Variants in LY75 observed in about 807,000 individuals in gnomAD.
LY75 encodes lymphocyte antigen 75, also known as C-type lectin domain family 13 member B.
In LY75, 185 loss-of-function variants were observed where a neutral mutation model predicts 231.7. The ratio of observed to expected loss-of-function variants is 0.80; its 90% CI spans 0.71 to 0.90. LY75 has a LOEUF of 0.90. LY75 is among the 40% of genes least tolerant of loss of function. The pLI, the probability that LY75 is intolerant of heterozygous loss-of-function variation, is 0.00. For synonymous variants in LY75, 668 were observed against 689.0 expected (o/e 0.97, Z 0.48); for missense variants, 1,947 against 2,050.2 (o/e 0.95, Z 0.97).
chr2:159,816,894 C>T lies in LY75; in HGVS notation c.4292G>A (p.Ser1431Asn), dbSNP rs1390577481. The T allele has an allele frequency of 6.2e-6, 10 of 1,614,154 alleles. No individual in the cohort carries two copies. In the East Asian group the frequency reaches 2.0e-4, roughly 32 times the overall value. ...MCSQSGGHLA[S>N]VHNQNGQLFL... ...GAGCTGGCCATTTTGGTTGTGAACG[C>T]TTGCCAAGTGACCTCCACTTTGAGA... The change falls in exon 30 of 35, where the codon AGC becomes AAC. Residue 1431 changes from serine (S) to asparagine (N), a missense_variant. Physicochemically the swap from Ser to Asn is conservative, Grantham distance 46. Transcript: ENST00000263636.
rs1685718261 is a variant in LY75 at position 159,890,495 on chromosome 2, A to G, written c.638-118T>C. On this transcript the variant is annotated intron_variant, in intron 3 of 34. Transcript: ENST00000263636. ...ACTCTTAGGATATGCCCAAAGGGAG[A>G]CTGCCATCACTCATTTAGACCATAT... 12 of 1,350,826 alleles carry G rather than the reference A, an allele frequency of 8.9e-6. 2 individuals carry two copies. The South Asian group carries it at 1.6e-4, about 18-fold the overall frequency. The allele number at this position is 1,350,826 out of a possible 1,614,324, so 83.7% of individuals were successfully genotyped here. A position where few individuals can be genotyped will look rare whatever the true frequency, so the allele number is the denominator to read the frequency against.
At chr2:159,877,671 A>G (rs1411131232) in intron 11 of LY75, among the ~76,000 whole-genome samples, 1 of 152,110 alleles carries the variant, frequency 6.6e-6, no homozygotes, top group African/African-American at 2.4e-5. Context: ...GGAGATCGAG[A>G]CCAGCCTGGC....
chr2:159,851,753 T>C (rs1425699234), intron 21 of LY75, among the ~76,000 whole-genome samples: 2 of 152,230 alleles, frequency 1.3e-5, no homozygotes, highest in Non-Finnish European at 2.9e-5. Context: ...AGATCAATGA[T>C]TAACATTTTG....
At chr2:159,864,987 C>G (rs1684819916) in intron 13 of LY75, 67 bp from the exon 14 acceptor site, 1 of 1,397,796 alleles carries the variant, frequency 7.2e-7, no homozygotes, top group Non-Finnish European at 9.7e-7. Flanking sequence ...ACTCACATGT[C>G]TAATGTGCAT....
intron 12 of LY75, among the ~76,000 whole-genome samples, chr2:159,875,169 G>A (rs1560094653): frequency 6.6e-6 from 1 of 151,572 alleles, no homozygotes; most frequent in Non-Finnish European, 1.5e-5. Flanking sequence ...GTGGCAGTAT[G>A]GCATATAGTA....
At chr2:159,815,714 T>G in intron 30 of LY75, 141 bp from the exon 31 acceptor site, 3 of 1,020,144 alleles carry the variant, frequency 2.9e-6, no homozygotes, top group Non-Finnish European at 4.1e-6. Context: ...GAACCTACTA[T>G]TATTGTAGGT....
chr2:159,856,222 T>C (rs1684546001), intron 16 of LY75, among the ~76,000 whole-genome samples: 1 of 152,216 alleles, frequency 6.6e-6, no homozygotes, highest in South Asian at 2.1e-4. Flanking sequence ...TATGTCTGGG[T>C]AATGGCATCA....
At chr2:159,897,173 A>C (rs896900763) in intron 2 of LY75, among the ~76,000 whole-genome samples, 7 of 152,180 alleles carry the variant, frequency 4.6e-5, no homozygotes, top group African/African-American at 1.7e-4. Context: ...GGACTGAGGG[A>C]GTTTAAGATT....
chr2:159,845,861 TA>T (rs1684186236), intron 23 of LY75, among the ~76,000 whole-genome samples: 1 of 141,750 alleles, frequency 7.1e-6, no homozygotes. Flanking sequence ...ATAAATATTA[TA>T]AAATACAGTA....
rs1470574247 is a variant in LY75 at position 159,848,192 on chromosome 2, A to G, written c.3150+1788T>C. Among the ~76,000 whole-genome samples, 4 of 150,840 alleles carry G rather than the reference A, an allele frequency of 2.7e-5. No individual in the cohort carries two copies. The East Asian group carries it at 7.8e-4, about 29-fold the overall frequency. On this transcript the variant is annotated intron_variant, in intron 23 of 34. Coordinates refer to ENST00000263636, the MANE Select transcript of LY75 (RefSeq NM_002349.4). ...TATATGTATATATATGTATGTATGTATATATATATGATGGAGGAATACTAC... is the reference window on the plus strand; with the variant it reads ...TATATGTATATATATGTATGTATGTGTATATATATGATGGAGGAATACTAC...
At chr2:159,883,621 CAT>C (rs1168903263) in intron 6 of LY75, among the ~76,000 whole-genome samples, 2 of 152,148 alleles carry the variant, frequency 1.3e-5, no homozygotes, top group African/African-American at 4.8e-5. Flanking sequence ...ATTATTCAAT[CAT>C]GTGGAAACAT....
At position 159,878,464 on chromosome 2, in the gene LY75, A is replaced by G. The variant is rs199726317; in HGVS notation, c.1634T>C (p.Met545Thr). Residue 545 changes from methionine (M) to threonine (T), a missense_variant, in exon 11 of 35, where the codon ATG (methionine) becomes ACG (threonine). Transcript: ENST00000263636. ...TCTTAGAGATTTATCATACTTTTTCATCAAATCATTTAGGTATTCTTGCTC... is the reference window on the plus strand; with the variant it reads ...TCTTAGAGATTTATCATACTTTTTCGTCAAATCATTTAGGTATTCTTGCTC... ...RFEQEYLNDLMKKYDKSLRKY... is the reference protein window; with the variant it reads ...RFEQEYLNDLTKKYDKSLRKY... 6.2e-7 allele frequency: 1 copy of G among 1,614,016 alleles called. No homozygotes were observed. The highest frequency in any genetic ancestry group is 8.5e-7 in the Non-Finnish European group (1 of 1,179,976).
intron 16 of LY75, among the ~76,000 whole-genome samples, chr2:159,855,397 A>G (rs1182760019): frequency 6.6e-6 from 1 of 152,210 alleles, no homozygotes; most frequent in African/African-American, 2.4e-5. Flanking sequence ...AGGTTGATAG[A>G]GTTCATTGTC....
intron 2 of LY75, among the ~76,000 whole-genome samples, chr2:159,898,082 A>T (rs1685952318): frequency 6.6e-6 from 1 of 152,072 alleles, no homozygotes; most frequent in African/African-American, 2.4e-5. Flanking sequence ...GGCAAGAAAA[A>T]ATATATTTTT....
chr2:159,842,718 T>C (rs1032963030), intron 23 of LY75, among the ~76,000 whole-genome samples: 2 of 152,156 alleles, frequency 1.3e-5, no homozygotes, highest in Non-Finnish European at 1.5e-5. Flanking sequence ...TATAGACTTT[T>C]TGTAACAAGT....
intron 27 of LY75, among the ~76,000 whole-genome samples, chr2:159,833,736 C>T (rs1683734059): frequency 6.6e-6 from 1 of 151,990 alleles, no homozygotes; most frequent in African/African-American, 2.4e-5. Context: ...TCCCATAATC[C>T]CCACATGTCA....
intron 14 of LY75, among the ~76,000 whole-genome samples, chr2:159,861,767 T>G (rs1240804732): frequency 2.0e-5 from 3 of 152,094 alleles, no homozygotes; most frequent in African/African-American, 7.2e-5. Context: ...AAAAAGATAT[T>G]TTATTTTTTG....
chr2:159,879,245 G>C lies in LY75; in HGVS notation c.1515+14C>G. On this transcript the variant is annotated intron_variant, in intron 9 of 34. Transcript: ENST00000263636. ...AATACTGCTTGAGAAAATTTACATA[G>C]GGATTTTACCTACCTCATCTGGAGG... 6.2e-7 allele frequency: 1 copy of C among 1,603,870 alleles called. No individual in the cohort carries two copies. The highest frequency in any genetic ancestry group is 8.5e-7 in the Non-Finnish European group (1 of 1,177,690).
intron 23 of LY75, among the ~76,000 whole-genome samples, chr2:159,849,671 C>T (rs180841403): frequency 1.4e-4 from 22 of 152,196 alleles, no homozygotes; most frequent in East Asian, 3.9e-4. Flanking sequence ...TGAGACAATT[C>T]GCTCATTTAA....
Sources: gnomAD v4.1 joint callset for allele counts (sites outside exome capture counted in the v4.1 genomes callset) on GRCh38, gnomAD v4.1.1 for gene constraint, MANE v1.5 for transcripts, NCBI Gene and HGNC (gene_info 2026-07-23, HGNC 2026-07-21) for gene names.